The following AP5M1 variants were observed in gnomAD, a reference collection of about 807,000 sequenced individuals.
AP5M1 encodes the protein adaptor related protein complex 5 subunit mu 1, also known as AP-5 complex subunit mu-1.
Under a neutral mutation model 52.3 loss-of-function variants are expected in AP5M1, and 44 were observed. The observed-to-expected ratio is 0.84, with a 90% CI of 0.66 to 1.08. The LOEUF (loss-of-function observed/expected upper bound fraction) is 1.08, where lower values mean the gene tolerates loss of function less well. Among genes scored for constraint, AP5M1 ranks in the 50% least tolerant of loss-of-function variants. The pLI, the probability that AP5M1 is intolerant of heterozygous loss-of-function variation, is 0.00. For missense variants in AP5M1, 526 were observed against 568.4 expected, an observed-to-expected ratio of 0.93 and a Z score of 0.76; for synonymous variants, 213 against 199.0, an observed-to-expected ratio of 1.07 and a Z score of -0.59.
rs1328760062 is a variant in AP5M1, at chr14:57,297,578, G to T, written c.*8694G>T. On this transcript the variant is annotated 3_prime_UTR_variant, in exon 8 of 8. Transcript: ENST00000261558. Reference sequence around the variant, plus strand: ...AGCCTTGTTTATTTTGAATGTATGTGTGTGTGTGTGCATGTGTGGAAAACA... The same window carrying T: ...AGCCTTGTTTATTTTGAATGTATGTTTGTGTGTGTGCATGTGTGGAAAACA... The T allele has an allele frequency of 2.0e-5, 3 of 152,094 alleles. No homozygotes were observed. The highest frequency in any genetic ancestry group is 2.9e-5 in the Non-Finnish European group (2 of 68,022). The allele number at this position is 152,094 out of a possible 1,614,324, so 9.4% of individuals were successfully genotyped here. A position where few individuals can be genotyped will look rare whatever the true frequency, so the allele number is the denominator to read the frequency against.
rs146378857 is a variant in AP5M1 at position 57,291,628 on chromosome 14, T to A, written c.*2744T>A. On this transcript the variant is annotated 3_prime_UTR_variant, in exon 8 of 8. Coordinates refer to ENST00000261558, the MANE Select transcript of AP5M1 (RefSeq NM_018229.4). ...ACAATTATTTGTTTAAAAAATTTTT[T>A]TTATTAAACATTAGTCTGTCCCATA... 37 of 151,964 alleles carry A rather than the reference T, an allele frequency of 2.4e-4. 2 individuals carry two copies. The East Asian group carries it at 7.2e-3, about 29-fold the overall frequency. 9.4% of individuals were successfully genotyped at this position (151,964 alleles called of 1,614,324 possible).
rs2139704751 is a variant in AP5M1, at chr14:57,295,989, A to T, written c.*7105A>T. ...CTACCTCGTAAAGACTACATTGAGA[A>T]TGAAAAAGCCATTGAACAATAGATG... On this transcript the variant is annotated 3_prime_UTR_variant, in exon 8 of 8. Coordinates refer to ENST00000261558, the MANE Select transcript of AP5M1 (RefSeq NM_018229.4). 1 of 152,140 alleles carries T rather than the reference A, an allele frequency of 6.6e-6. No individual in the cohort carries two copies. The highest frequency in any genetic ancestry group is 3.4e-3 in the Middle Eastern group (1 of 294). The allele number at this position is 152,140 out of a possible 1,614,324, so 9.4% of individuals were successfully genotyped here. A position where few individuals can be genotyped will look rare whatever the true frequency, so the allele number is the denominator to read the frequency against.
chr14:57,270,660 C>A (rs1382754304), intron 1 of AP5M1, among the ~76,000 whole-genome samples: 1 of 152,106 alleles, frequency 6.6e-6, no homozygotes, highest in African/African-American at 2.4e-5. Context: ...GTGGTTTTAC[C>A]AGGCGCATCA....
intron 2 of AP5M1, chr14:57,275,118 A>G: frequency 1.8e-6 from 1 of 548,898 alleles, no homozygotes; most frequent in Non-Finnish European, 3.2e-6. Flanking sequence ...ATAGACATTT[A>G]TTATTTTCAT....
Position 57,294,609 on chromosome 14 carries a change from T to A in AP5M1, c.*5725T>A, listed in dbSNP as rs936431844. 4 of 152,024 alleles carry A rather than the reference T, an allele frequency of 2.6e-5. No individual in the cohort carries two copies. The highest frequency in any genetic ancestry group is 9.6e-5 in the African/African-American group (4 of 41,536). 9.4% of individuals were successfully genotyped at this position (152,024 alleles called of 1,614,324 possible). A position where few individuals can be genotyped will look rare whatever the true frequency, so the allele number is the denominator to read the frequency against. ...GTTGGAGTTTCTTTTCTCCACTGGTTTTATAGGTGTGTTTAGTGTGAAGAA... is the reference window on the plus strand; with the variant it reads ...GTTGGAGTTTCTTTTCTCCACTGGTATTATAGGTGTGTTTAGTGTGAAGAA... On this transcript the variant is annotated 3_prime_UTR_variant, in exon 8 of 8. Coordinates refer to ENST00000261558, the MANE Select transcript of AP5M1 (RefSeq NM_018229.4).
intron 7 of AP5M1, among the ~76,000 whole-genome samples, chr14:57,287,820 A>C (rs910549748): frequency 1.3e-5 from 2 of 152,132 alleles, no homozygotes; most frequent in Non-Finnish European, 2.9e-5. Context: ...AATGGCTAAT[A>C]TTTATTGCTT....
rs1885524018 is a variant in AP5M1 at position 57,295,236 on chromosome 14, CTAAA to C, written c.*6355_*6358del. On this transcript the variant is annotated 3_prime_UTR_variant, in exon 8 of 8. Transcript: ENST00000261558. ...TTACTTGGTGAAGCTGCCAGGGAAA[CTAAA>C]TATGATGAGAAGAAGAGGAATGACT... 6.6e-6 allele frequency: 1 copy of C among 151,844 alleles called. No homozygotes were observed. The highest frequency in any genetic ancestry group is 6.6e-5 in the Admixed American group (1 of 15,208). 9.4% of individuals were successfully genotyped at this position (151,844 alleles called of 1,614,324 possible).
Position 57,282,472 on chromosome 14 carries a change from G to A in AP5M1, c.1088+244G>A, listed in dbSNP as rs1885204912. ...CTTAAGCCAATGTAGCTTCCTCAGGGATTATTTTTCTACCGGATTTATTTC... is the reference window on the plus strand; with the variant it reads ...CTTAAGCCAATGTAGCTTCCTCAGGAATTATTTTTCTACCGGATTTATTTC... On this transcript the variant is annotated intron_variant, in intron 4 of 7. Transcript: ENST00000261558. Among the ~76,000 whole-genome samples, 3 of 152,096 alleles carry A rather than the reference G, an allele frequency of 2.0e-5. No individual in the cohort carries two copies. In the South Asian group the frequency reaches 6.2e-4, roughly 32 times the overall value.
rs924009697 is a variant in AP5M1 at position 57,296,241 on chromosome 14, T to G, written c.*7357T>G. On this transcript the variant is annotated 3_prime_UTR_variant, in exon 8 of 8. Transcript: ENST00000261558. ...AAGTTTAGTATTCTGTAATCCCTTA[T>G]GGATTGGCTGATTTTTGAAGAACTA... 1 of 152,014 alleles carries G rather than the reference T, an allele frequency of 6.6e-6. No individual in the cohort carries two copies. Among genetic ancestry groups the G allele is most frequent in the Non-Finnish European group, 1.5e-5 (1 of 67,934 alleles). The allele number at this position is 152,014 out of a possible 1,614,324, so 9.4% of individuals were successfully genotyped here. A position where few individuals can be genotyped will look rare whatever the true frequency, so the allele number is the denominator to read the frequency against.
chr14:57,276,359 T>C (rs1166804334), intron 2 of AP5M1, among the ~76,000 whole-genome samples: 1 of 152,176 alleles, frequency 6.6e-6, no homozygotes, highest in Admixed American at 6.5e-5. Context: ...GCGAATCACT[T>C]GAGGCCAGGA....
intron 2 of AP5M1, among the ~76,000 whole-genome samples, chr14:57,275,873 G>T (rs1214189267): frequency 6.6e-6 from 1 of 152,038 alleles, no homozygotes; most frequent in Non-Finnish European, 1.5e-5. Context: ...AATCCTCCAG[G>T]TAAACTTCCT....
intron 1 of AP5M1, among the ~76,000 whole-genome samples, chr14:57,272,840 T>G (rs1884926475): frequency 6.6e-6 from 1 of 152,236 alleles, no homozygotes; most frequent in African/African-American, 2.4e-5. Context: ...TGCATCAGAA[T>G]GTAGGTGATA....
In AP5M1 at chr14:57,274,786, AAC is replaced by A; in HGVS notation, c.618_619del (p.Lys206AsnfsTer9). On this transcript the variant is annotated frameshift_variant, in exon 2 of 8. Coordinates refer to ENST00000261558, the MANE Select transcript of AP5M1 (RefSeq NM_018229.4). LOFTEE classifies it high-confidence loss of function. ...TGGAAAACTGGGACGTACAAAGGAA[AAC>A]CACAAGTTTCTATTTCTATCACTGA... 2 of 1,614,184 alleles carry A rather than the reference AAC, an allele frequency of 1.2e-6. No individual in the cohort carries two copies. Among genetic ancestry groups the A allele is most frequent in the Non-Finnish European group, 1.7e-6 (2 of 1,180,028 alleles).
At position 57,291,487 on chromosome 14, in the gene AP5M1, G is replaced by C. The variant is rs908734252; in HGVS notation, c.*2603G>C. On this transcript the variant is annotated 3_prime_UTR_variant, in exon 8 of 8. Coordinates refer to ENST00000261558, the MANE Select transcript of AP5M1 (RefSeq NM_018229.4). The stretch of plus-strand genomic sequence containing the variant: ...TAAACAATATTTTAAAAACTTTTTA[G>C]AGCCAGCAATATAGTACTTAGGCAA... The C allele has an allele frequency of 1.3e-5, 2 of 151,700 alleles. No individual in the cohort carries two copies. The highest frequency in any genetic ancestry group is 4.8e-5 in the African/African-American group (2 of 41,358). 9.4% of individuals were successfully genotyped at this position (151,700 alleles called of 1,614,324 possible). A position where few individuals can be genotyped will look rare whatever the true frequency, so the allele number is the denominator to read the frequency against.
Position 57,288,984 on chromosome 14 carries a change from T to C in AP5M1, c.*100T>C. On this transcript the variant is annotated 3_prime_UTR_variant, in exon 8 of 8. Coordinates refer to ENST00000261558, the MANE Select transcript of AP5M1 (RefSeq NM_018229.4). Reference sequence around the variant, plus strand: ...ATGCATATAACCTGTGAGTGAAAAATCACTGAATGATTTAATTGTAAAAGT... The same window carrying C: ...ATGCATATAACCTGTGAGTGAAAAACCACTGAATGATTTAATTGTAAAAGT... 2 of 662,490 alleles carry C rather than the reference T, an allele frequency of 3.0e-6. No individual in the cohort carries two copies. Among genetic ancestry groups the C allele is most frequent in the Non-Finnish European group, 5.0e-6 (2 of 396,938 alleles). 41.0% of individuals were successfully genotyped at this position (662,490 alleles called of 1,614,324 possible).
chr14:57,295,753 T>C lies in AP5M1; in HGVS notation c.*6869T>C, dbSNP rs1885538592. The stretch of plus-strand genomic sequence containing the variant: ...GAAAGAAACTCATTTATTTATTTAT[T>C]TGGGTATACCTTCCAGTTACTTCCA... On this transcript the variant is annotated 3_prime_UTR_variant, in exon 8 of 8. Coordinates refer to ENST00000261558, the MANE Select transcript of AP5M1 (RefSeq NM_018229.4). 1 of 151,826 alleles carries C rather than the reference T, an allele frequency of 6.6e-6. No individual in the cohort carries two copies. Among genetic ancestry groups the C allele is most frequent in the Admixed American group, 6.6e-5 (1 of 15,184 alleles). The allele number at this position is 151,826 out of a possible 1,614,324, so 9.4% of individuals were successfully genotyped here.
In AP5M1 at chr14:57,274,441, A is replaced by G; in HGVS notation, c.272A>G (p.Glu91Gly). The G allele has an allele frequency of 6.2e-7, 1 of 1,614,160 alleles. No individual in the cohort carries two copies. The highest frequency in any genetic ancestry group is 8.5e-7 in the Non-Finnish European group (1 of 1,180,024). ...TSIYGLLIGG[E>G]ELWPVVAFLK... ...ATTTATGGACTCCTGATAGGAGGTG[A>G]AGAACTCTGGCCAGTTGTTGCTTTT... The change falls in exon 2 of 8, where the codon GAA (glutamate) becomes GGA (glycine). Residue 91 changes from glutamate to glycine, a missense_variant. By Grantham distance (98) the Glu-to-Gly change is moderately conservative. Coordinates refer to ENST00000261558, the MANE Select transcript of AP5M1 (RefSeq NM_018229.4).
intron 6 of AP5M1, among the ~76,000 whole-genome samples, chr14:57,285,806 C>G (rs954685672): frequency 6.6e-6 from 1 of 152,080 alleles, no homozygotes; most frequent in African/African-American, 2.4e-5. Flanking sequence ...ATAGGGCATG[C>G]AAGACAGTAG....
Position 57,274,386 on chromosome 14 carries a change from G to A in AP5M1, c.217G>A (p.Asp73Asn). ...TGATAAAGACTTCGTTGAGAGTCGT[G>A]ATAGCTGTTCACGCATCAATAAAAC... ...DDDKDFVESR[D>N]SCSRINKTSI... Residue 73 changes from aspartate (D) to asparagine (N), a missense_variant, in exon 2 of 8, where the codon GAT becomes AAT. Transcript: ENST00000261558. 2.5e-6 allele frequency: 4 copies of A among 1,614,166 alleles called. No homozygotes were observed. The highest frequency in any genetic ancestry group is 3.4e-6 in the Non-Finnish European group (4 of 1,180,028).
Sources: allele counts gnomAD v4.1 joint callset (sites outside exome capture counted in the v4.1 genomes callset), GRCh38; gene constraint gnomAD v4.1.1; transcripts MANE v1.5; gene names NCBI Gene and HGNC (gene_info 2026-07-23, HGNC 2026-07-21).